Variants in MGAT4C observed in about 807,000 individuals in gnomAD.
MGAT4C encodes MGAT4 family member C, also known as alpha-1,3-mannosyl-glycoprotein 4-beta-N-acetylglucosaminyltransferase C.
Under a neutral mutation model 40.1 loss-of-function variants are expected in MGAT4C, and 19 were observed. The ratio of observed to expected loss-of-function variants is 0.47; its 90% CI spans 0.33 to 0.70. The LOEUF is 0.70. Ranked by LOEUF, MGAT4C falls within the 30% of genes least tolerant of loss-of-function variation. MGAT4C has a pLI of 0.02. For synonymous variants in MGAT4C, 181 were observed against 187.1 expected, an observed-to-expected ratio of 0.97 and a Z score of 0.27; for missense variants, 491 against 563.2, an observed-to-expected ratio of 0.87 and a Z score of 1.30.
intron 2 of MGAT4C, among the ~76,000 whole-genome samples, chr12:86,623,591 T>C (rs115715346): frequency 7.0e-4 from 106 of 152,286 alleles, no homozygotes; most frequent in African/African-American, 2.5e-3. Context: ...TCATCTAGAA[T>C]TCTATATCAA....
intron 2 of MGAT4C, among the ~76,000 whole-genome samples, chr12:86,546,945 T>C (rs181573349): frequency 4.3e-4 from 66 of 152,058 alleles, no homozygotes; most frequent in East Asian, 3.7e-3. Context: ...TTCTAAAATT[T>C]TGACTTCGAG....
chr12:86,117,473 A>G (rs1462131162), intron 1 of MGAT4C, among the ~76,000 whole-genome samples: 1 of 152,180 alleles, frequency 6.6e-6, no homozygotes, highest in Non-Finnish European at 1.5e-5. Flanking sequence ...CTGATGATAG[A>G]CTATGGCAAA....
chr12:86,119,003 T>C (rs780310860), intron 1 of MGAT4C, among the ~76,000 whole-genome samples: 36 of 152,018 alleles, frequency 2.4e-4, no homozygotes, highest in Non-Finnish European at 4.9e-4. Flanking sequence ...ATTCTAAGAG[T>C]TGACTGTGAA....
intron 2 of MGAT4C, among the ~76,000 whole-genome samples, chr12:86,681,629 T>A (rs1949983896): frequency 6.6e-6 from 1 of 151,972 alleles, no homozygotes; most frequent in Non-Finnish European, 1.5e-5. Context: ...TATATCCTAA[T>A]GATACAAGCA....
At chr12:86,111,600 T>C (rs1362648432) in intron 1 of MGAT4C, among the ~76,000 whole-genome samples, 1 of 151,886 alleles carries the variant, frequency 6.6e-6, no homozygotes, top group Non-Finnish European at 1.5e-5. Context: ...TGTAGATATG[T>C]GCTTGATTCC....
intron 2 of MGAT4C, among the ~76,000 whole-genome samples, chr12:86,474,090 T>C (rs1957794745): frequency 1.3e-5 from 2 of 151,954 alleles, no homozygotes; most frequent in African/African-American, 2.4e-5. Context: ...AGTCAGGCAC[T>C]ATTCACAATA....
At chr12:86,066,051 A>C (rs547195837) in intron 1 of MGAT4C, among the ~76,000 whole-genome samples, 41 of 152,328 alleles carry the variant, frequency 2.7e-4, no homozygotes, top group Admixed American at 1.4e-3. Context: ...TGCTCAAGGA[A>C]ATAAGAGATG....
chr12:86,763,692 A>G (rs906580149), intron 1 of MGAT4C, among the ~76,000 whole-genome samples: 2 of 152,128 alleles, frequency 1.3e-5, no homozygotes, highest in African/African-American at 4.8e-5. Flanking sequence ...AGGGACAAAC[A>G]TACACAACTG....
chr12:86,561,564 T>G (rs1204821531), intron 2 of MGAT4C, among the ~76,000 whole-genome samples: 1 of 152,122 alleles, frequency 6.6e-6, no homozygotes, highest in Non-Finnish European at 1.5e-5. Context: ...CTTATACCAG[T>G]GGTTTTCCAG....
rs1463903956 is a variant in MGAT4C, at chr12:85,957,625, A to AT, written c.*21663dup. The AT allele has an allele frequency of 7.6e-6, 1 of 130,900 alleles. No individual in the cohort carries two copies. The highest frequency in any genetic ancestry group is 1.6e-5 in the Non-Finnish European group (1 of 62,404). 8.1% of individuals were successfully genotyped at this position (130,900 alleles called of 1,614,324 possible). On this transcript the variant is annotated 3_prime_UTR_variant, in exon 5 of 5. Transcript: ENST00000611864. ...TCTGTTATGTCAAATAAAACCACAG[A>AT]TTTTCTTTTACTGTAGAGTTGAATA...
chr12:86,206,726 T>C (rs1950268412), intron 1 of MGAT4C, among the ~76,000 whole-genome samples: 1 of 152,168 alleles, frequency 6.6e-6, no homozygotes, highest in African/African-American at 2.4e-5. Context: ...GAAACCTTTA[T>C]TGAAGATATA....
chr12:86,791,407 C>T (rs1441854216), intron 1 of MGAT4C, among the ~76,000 whole-genome samples: 1 of 150,100 alleles, frequency 6.7e-6, no homozygotes, highest in African/African-American at 2.4e-5. Flanking sequence ...ATTTTTAATG[C>T]AAAGAAACAT....
chr12:86,727,471 C>T (rs998128470), intron 1 of MGAT4C, among the ~76,000 whole-genome samples: 1 of 151,764 alleles, frequency 6.6e-6, no homozygotes, highest in Non-Finnish European at 1.5e-5. Flanking sequence ...TGGCTTGAAT[C>T]CAGGAAATGT....
chr12:86,208,292 C>T (rs913260844), intron 1 of MGAT4C, among the ~76,000 whole-genome samples: 8 of 152,138 alleles, frequency 5.3e-5, no homozygotes, highest in Non-Finnish European at 1.2e-4. Context: ...ATGGCAAAAC[C>T]CCATCTTTAC....
At chr12:86,665,908 A>T (rs1435203927) in intron 2 of MGAT4C, among the ~76,000 whole-genome samples, 1 of 152,216 alleles carries the variant, frequency 6.6e-6, no homozygotes, top group Non-Finnish European at 1.5e-5. Context: ...CTATTGAAAT[A>T]GTTTCAAGAA....
intron 4 of MGAT4C, among the ~76,000 whole-genome samples, chr12:86,322,155 T>C (rs1954406370): frequency 7.2e-6 from 1 of 139,086 alleles, no homozygotes; most frequent in Non-Finnish European, 1.5e-5. Flanking sequence ...TTTTCACTCA[T>C]AGGTGGGAAT....
intron 1 of MGAT4C, among the ~76,000 whole-genome samples, chr12:86,175,048 A>G (rs1887251318): frequency 6.6e-6 from 1 of 152,154 alleles, no homozygotes. Context: ...AATGATTTCA[A>G]TATATCTGCT....
chr12:86,031,600 G>C (rs1173388961), intron 2 of MGAT4C, among the ~76,000 whole-genome samples: 1 of 151,722 alleles, frequency 6.6e-6, no homozygotes, highest in Non-Finnish European at 1.5e-5. Flanking sequence ...ATGATGTAAG[G>C]TTCACAAAAA....
chr12:86,821,371 T>C (rs1457005064), intron 1 of MGAT4C, among the ~76,000 whole-genome samples: 1 of 150,894 alleles, frequency 6.6e-6, no homozygotes, highest in Non-Finnish European at 1.5e-5. Context: ...TAAATTTTTA[T>C]GGATGCATAA....
Sources: gnomAD v4.1 joint callset for allele counts (sites outside exome capture counted in the v4.1 genomes callset) on GRCh38, gnomAD v4.1.1 for gene constraint, MANE v1.5 for transcripts, NCBI Gene and HGNC (gene_info 2026-07-23, HGNC 2026-07-21) for gene names.